The following ARMC3 variants were observed in gnomAD, a reference collection of about 807,000 sequenced individuals.
The protein encoded by ARMC3 is armadillo repeat-containing protein 3.
ARMC3 carries 74 observed loss-of-function variants against 90.3 expected under a neutral mutation model. The observed-to-expected ratio is 0.82, with a 90% CI of 0.68 to 0.99. The LOEUF is 0.99. Among genes scored for constraint, ARMC3 ranks in the 50% least tolerant of loss-of-function variants. The pLI is 0.00. For missense variants in ARMC3, 958 were observed against 1,042.8 expected (o/e 0.92, Z 1.12); for synonymous variants, 334 against 361.8 (o/e 0.92, Z 0.87).
In ARMC3 at chr10:22,994,169, A is replaced by T. The variant is rs563312886; in HGVS notation, c.1176-3979A>T. On this transcript the variant is annotated intron_variant, in intron 10 of 18. Transcript: ENST00000298032. ...ATCCAGAAGTGCCTCCTTGAGGAAAAGACATTTGTGCTGAGCTGTGAAAGA... is the reference window on the plus strand; with the variant it reads ...ATCCAGAAGTGCCTCCTTGAGGAAATGACATTTGTGCTGAGCTGTGAAAGA... Among the ~76,000 whole-genome samples the T allele has an allele frequency of 2.0e-5, 3 of 152,368 alleles. No homozygotes were observed. In the East Asian group the frequency reaches 5.8e-4, roughly 29 times the overall value.
intron 8 of ARMC3, among the ~76,000 whole-genome samples, chr10:22,969,555 T>G (rs1835590648): frequency 6.6e-6 from 1 of 152,222 alleles, no homozygotes; most frequent in Non-Finnish European, 1.5e-5. Flanking sequence ...GTAGTGTGCA[T>G]AGAGGGGCCT....
chr10:22,968,098 T>C (rs554007419), intron 7 of ARMC3, among the ~76,000 whole-genome samples: 1 of 152,278 alleles, frequency 6.6e-6, no homozygotes, highest in East Asian at 1.9e-4. Context: ...ATAAAACATT[T>C]TGGAGTAAGG....
Position 22,952,558 on chromosome 10 carries a change from CAGGTCCAG to C in ARMC3, c.167-3247_167-3240del, listed in dbSNP as rs574094988. 6.0e-4 allele frequency among the ~76,000 whole-genome samples: 91 copies of C among 152,236 alleles called. 1 individual carries two copies. Among genetic ancestry groups the C allele is most frequent in the African/African-American group, 2.0e-3 (82 of 41,536 alleles). On this transcript the variant is annotated intron_variant, in intron 3 of 18. Coordinates refer to ENST00000298032, the MANE Select transcript of ARMC3 (RefSeq NM_173081.5). ...AAAAACTTTCTCACAAACAAAACTC[CAGGTCCAG>C]ATGGTTTTACTGGTGAATTCTACCA...
At chr10:22,934,666 A>G (rs1834047160) in intron 2 of ARMC3, among the ~76,000 whole-genome samples, 1 of 152,170 alleles carries the variant, frequency 6.6e-6, no homozygotes, top group African/African-American at 2.4e-5. Flanking sequence ...ACTTGGGTGA[A>G]CTTTCTAACC....
At position 23,002,061 on chromosome 10, in the gene ARMC3, T is replaced by C. The variant is rs2131424135; in HGVS notation, c.1562+6T>C. ...AATGAATTATGCAGGCTCGGGTGAG[T>C]GGATGCCATCTCAAGTTTCTGGCTC... is the stretch of plus-strand genomic sequence containing the variant. On this transcript the variant is annotated splice_donor_region_variant and intron_variant, in intron 12 of 18. Coordinates refer to ENST00000298032, the MANE Select transcript of ARMC3 (RefSeq NM_173081.5). 2.5e-6 allele frequency: 4 copies of C among 1,612,452 alleles called. No individual in the cohort carries two copies. In the East Asian group the frequency reaches 6.7e-5, roughly 27 times the overall value.
At chr10:23,036,132 GC>G (rs1332573948) in intron 18 of ARMC3, among the ~76,000 whole-genome samples, 2 of 152,106 alleles carry the variant, frequency 1.3e-5, no homozygotes, top group Non-Finnish European at 2.9e-5. Context: ...GATTTACAAG[GC>G]TTTGACACGG....
In ARMC3 at chr10:22,973,819, C is replaced by T. The variant is rs1193160547; in HGVS notation, c.916+5330C>T. Among the ~76,000 whole-genome samples, 3 of 131,372 alleles carry T rather than the reference C, an allele frequency of 2.3e-5. No individual in the cohort carries two copies. In the Admixed American group the frequency reaches 2.6e-4, roughly 12 times the overall value. The allele number at this position is 131,372 out of a possible 152,430, so 86.2% of individuals were successfully genotyped here. A position where few individuals can be genotyped will look rare whatever the true frequency, so the allele number is the denominator to read the frequency against. ...TGTCACCCAGGCTGGAGTGCAGTGGCGCGATCTTGGCTCACTCCAAGCTCC... is the reference window on the plus strand; with the variant it reads ...TGTCACCCAGGCTGGAGTGCAGTGGTGCGATCTTGGCTCACTCCAAGCTCC... On this transcript the variant is annotated intron_variant, in intron 8 of 18. Transcript: ENST00000298032.
At chr10:23,026,696 T>C (rs557376590) in intron 16 of ARMC3, among the ~76,000 whole-genome samples, 2 of 152,332 alleles carry the variant, frequency 1.3e-5, no homozygotes, top group South Asian at 2.1e-4. Flanking sequence ...GATATTGACA[T>C]TGATACAATC....
chr10:23,027,016 T>C (rs1009294780), intron 16 of ARMC3, among the ~76,000 whole-genome samples: 19 of 152,212 alleles, frequency 1.2e-4, no homozygotes, highest in African/African-American at 4.6e-4. Flanking sequence ...TCAGAATTAC[T>C]GTAGCTATAT....
intron 2 of ARMC3, among the ~76,000 whole-genome samples, chr10:22,935,499 G>A (rs371231365): frequency 1.1e-4 from 16 of 152,232 alleles, no homozygotes; most frequent in African/African-American, 3.6e-4. Context: ...AAATATTCTA[G>A]AAGCCTATGG....
chr10:23,010,892 C>CT (rs1564394539), intron 16 of ARMC3, among the ~76,000 whole-genome samples: 4 of 14,574 alleles, frequency 2.7e-4, no homozygotes, highest in East Asian at 1.3e-3. Context: ...TTCCCTCCCA[C>CT]TCCTTCCCTT....
intron 2 of ARMC3, among the ~76,000 whole-genome samples, chr10:22,940,358 A>G (rs943461375): frequency 6.6e-6 from 1 of 152,256 alleles, no homozygotes; most frequent in African/African-American, 2.4e-5. Context: ...TATATGCTGA[A>G]AACTATAAAA....
intron 8 of ARMC3, among the ~76,000 whole-genome samples, chr10:22,977,394 G>A (rs1456288344): frequency 2.6e-5 from 4 of 152,042 alleles, no homozygotes; most frequent in South Asian, 2.1e-4. Flanking sequence ...AAAGTAACCC[G>A]GCCCTCATTG....
intron 8 of ARMC3, among the ~76,000 whole-genome samples, chr10:22,970,813 C>T (rs1470788004): frequency 1.3e-5 from 2 of 152,172 alleles, no homozygotes; most frequent in African/African-American, 2.4e-5. Context: ...GTGCCACTCA[C>T]AGAACTGAAG....
At chr10:23,022,649 G>A (rs753152287) in intron 16 of ARMC3, among the ~76,000 whole-genome samples, 6 of 152,122 alleles carry the variant, frequency 3.9e-5, no homozygotes, top group Non-Finnish European at 5.9e-5. Context: ...CTAACACTAG[G>A]AATCTAGGGT....
intron 7 of ARMC3, among the ~76,000 whole-genome samples, chr10:22,963,750 C>T (rs1835301978): frequency 6.6e-6 from 1 of 151,324 alleles, no homozygotes; most frequent in African/African-American, 2.4e-5. Flanking sequence ...ATTAGCTGGG[C>T]ATGGTGGCAC....
intron 1 of ARMC3, among the ~76,000 whole-genome samples, chr10:22,928,744 G>C (rs974185217): frequency 6.6e-6 from 1 of 152,196 alleles, no homozygotes; most frequent in African/African-American, 2.4e-5. Flanking sequence ...TGGCTAGATA[G>C]CTAAGGGATT....
chr10:23,008,606 C>G (rs1377483288), intron 15 of ARMC3, among the ~76,000 whole-genome samples: 1 of 152,176 alleles, frequency 6.6e-6, no homozygotes, highest in Non-Finnish European at 1.5e-5. Context: ...GGCCACATGA[C>G]TTAGTGTCTG....
At chr10:23,005,234 C>A (rs1441820076) in intron 13 of ARMC3, among the ~76,000 whole-genome samples, 118 of 129,092 alleles carry the variant, frequency 9.1e-4, no homozygotes, top group Non-Finnish European at 1.0e-3. Context: ...AAAAAAAAAA[C>A]CAAACCAAGG....
Sources: allele counts gnomAD v4.1 joint callset (sites outside exome capture counted in the v4.1 genomes callset), GRCh38; gene constraint gnomAD v4.1.1; transcripts MANE v1.5; gene names NCBI Gene and HGNC (gene_info 2026-07-23, HGNC 2026-07-21).